PDE7A: variants seen among roughly 807,000 people sequenced by gnomAD.
PDE7A encodes phosphodiesterase 7A, also known as high affinity 3',5'-cyclic-AMP phosphodiesterase 7A.
In PDE7A, 39 loss-of-function variants were observed where a neutral mutation model predicts 64.3. That is an observed-to-expected ratio of 0.61 (90% confidence interval 0.47 to 0.79). The LOEUF (loss-of-function observed/expected upper bound fraction) is 0.79. Ranked by LOEUF, PDE7A falls within the 30% of genes least tolerant of loss-of-function variation. The probability of loss-of-function intolerance (pLI) is 0.00; values close to 1 mark genes in which losing one functional copy is unlikely to be tolerated. For missense variants in PDE7A, 470 were observed against 582.8 expected, an observed-to-expected ratio of 0.81 and a Z score of 1.99; for synonymous variants, 203 against 206.8, an observed-to-expected ratio of 0.98 and a Z score of 0.16.
intron 1 of PDE7A, among the ~76,000 whole-genome samples, chr8:65,832,090 T>C (rs1035553069): frequency 7.2e-5 from 11 of 152,190 alleles, no homozygotes; most frequent in African/African-American, 4.8e-5. Context: ...GTAGATACTC[T>C]GGGGTTTTTC....
chr8:65,828,658 T>C lies in PDE7A; in HGVS notation c.138+12713A>G, dbSNP rs55876752. On this transcript the variant is annotated intron_variant, in intron 1 of 12. Coordinates refer to ENST00000401827, the MANE Select transcript of PDE7A (RefSeq NM_001242318.3). ...ATTTAAAATTTTCATCTGTATAGCA[T>C]AGACCTTCTGTCCTCTCAAAAGGTT... is the stretch of plus-strand genomic sequence containing the variant. 7.8e-3 allele frequency among the ~76,000 whole-genome samples: 1,187 copies of C among 152,242 alleles called. 10 individuals are homozygous for C. Among genetic ancestry groups the C allele is most frequent in the African/African-American group, 0.026 (1,070 of 41,572 alleles).
At chr8:65,777,361 G>A (rs1187224299) in intron 3 of PDE7A, among the ~76,000 whole-genome samples, 1 of 152,098 alleles carries the variant, frequency 6.6e-6, no homozygotes, top group African/African-American at 2.4e-5. Context: ...TTACAAGCGT[G>A]AGCCACAACT....
intron 1 of PDE7A, among the ~76,000 whole-genome samples, chr8:65,801,631 A>G (rs1183719502): frequency 6.6e-6 from 1 of 152,228 alleles, no homozygotes; most frequent in Admixed American, 6.5e-5. Context: ...AATCAAAAAT[A>G]AGTAAATAAA....
In PDE7A at chr8:65,804,540, C is replaced by CTTT. The variant is rs762379703; in HGVS notation, c.139-21700_139-21698dup. 3.8e-4 allele frequency among the ~76,000 whole-genome samples: 43 copies of CTTT among 113,030 alleles called. 1 individual carries two copies. In the East Asian group the frequency reaches 6.6e-3, roughly 17 times the overall value. 74.2% of individuals were successfully genotyped at this position (113,030 alleles called of 152,430 possible). On this transcript the variant is annotated intron_variant, in intron 1 of 12. Coordinates refer to ENST00000401827, the MANE Select transcript of PDE7A (RefSeq NM_001242318.3). ...GAAAGCTGAAAGTTTCATTTTGTTG[C>CTTT]TTTTTTTTTTTTTTTTTTTGAAGAC...
rs1351048103 is a variant in PDE7A, at chr8:65,727,316, A to G, written c.697-15T>C. ...GAATTGGCAAGCTGAAGTGTGACAA[A>G]AGAATAATGAATCACAGATATATCT... is the stretch of plus-strand genomic sequence containing the variant. On this transcript the variant is annotated splice_polypyrimidine_tract_variant and intron_variant, in intron 7 of 12. Coordinates refer to ENST00000401827, the MANE Select transcript of PDE7A (RefSeq NM_001242318.3). 1 of 1,612,306 alleles carries G rather than the reference A, an allele frequency of 6.2e-7. No homozygotes were observed. The highest frequency in any genetic ancestry group is 1.3e-5 in the African/African-American group (1 of 74,864).
At chr8:65,727,600 G>A (rs1296962737) in intron 7 of PDE7A, 4 of 235,344 alleles carry the variant, frequency 1.7e-5, no homozygotes, top group Admixed American at 1.7e-4. Context: ...AACATAAACC[G>A]TTCTTTTTGA....
intron 1 of PDE7A, among the ~76,000 whole-genome samples, chr8:65,823,506 T>C (rs914886124): frequency 6.6e-6 from 1 of 152,202 alleles, no homozygotes; most frequent in African/African-American, 2.4e-5. Context: ...TACTATAACA[T>C]CACAAAATTA....
chr8:65,758,362 G>C (rs1808332703), intron 3 of PDE7A, among the ~76,000 whole-genome samples: 1 of 152,166 alleles, frequency 6.6e-6, no homozygotes, highest in Admixed American at 6.5e-5. Context: ...TAGGACTACT[G>C]TATCAGGTAA....
Position 65,716,361 on chromosome 8 carries a change from G to A in PDE7A, c.*2929C>T, listed in dbSNP as rs1257531918. Among the ~76,000 whole-genome samples the A allele has an allele frequency of 6.6e-6, 1 of 152,150 alleles. No individual in the cohort carries two copies. The highest frequency in any genetic ancestry group is 1.5e-5 in the Non-Finnish European group (1 of 68,016). On this transcript the variant is annotated 3_prime_UTR_variant, in exon 13 of 13. Transcript: ENST00000401827. ...AAGCAATCATGTATACAGGCAGAAT[G>A]GAGCCCAGGTAAGCTCAACTGAAAC... is the stretch of plus-strand genomic sequence containing the variant.
At chr8:65,762,656 TA>T (rs1223703626) in intron 3 of PDE7A, among the ~76,000 whole-genome samples, 5 of 152,220 alleles carry the variant, frequency 3.3e-5, no homozygotes, top group African/African-American at 4.8e-5. Flanking sequence ...AAAAAGCACT[TA>T]AAATTAATAG....
At chr8:65,807,613 A>G (rs1441445824) in intron 1 of PDE7A, among the ~76,000 whole-genome samples, 2 of 152,212 alleles carry the variant, frequency 1.3e-5, no homozygotes, top group African/African-American at 2.4e-5. Context: ...TCCTGGTCCT[A>G]CAGGGAAAAC....
chr8:65,727,079 G>C (rs1806642404), intron 8 of PDE7A, 91 bp downstream of exon 8: 8 of 1,020,264 alleles, frequency 7.8e-6, no homozygotes, highest in Non-Finnish European at 1.2e-5. Flanking sequence ...CATTCATTGA[G>C]AATTTATTTT....
At chr8:65,766,500 C>T (rs760745022) in intron 3 of PDE7A, among the ~76,000 whole-genome samples, 4 of 152,132 alleles carry the variant, frequency 2.6e-5, no homozygotes, top group Non-Finnish European at 2.9e-5. Flanking sequence ...AGTAAGGAGA[C>T]GCTGCCATAG....
intron 3 of PDE7A, among the ~76,000 whole-genome samples, chr8:65,749,119 G>A (rs1357929935): frequency 2.6e-5 from 4 of 152,220 alleles, no homozygotes; most frequent in East Asian, 3.9e-4. Flanking sequence ...GGAAGCACCC[G>A]CTCTGGCTTC....
intron 12 of PDE7A, chr8:65,722,369 C>T (rs912776310): frequency 1.3e-5 from 2 of 152,268 alleles, no homozygotes; most frequent in Admixed American, 6.5e-5. Flanking sequence ...CCATTGCAAT[C>T]ACAATGTAAG....
chr8:65,815,313 A>G (rs1309437012), intron 1 of PDE7A, among the ~76,000 whole-genome samples: 1 of 152,198 alleles, frequency 6.6e-6, no homozygotes, highest in Non-Finnish European at 1.5e-5. Flanking sequence ...CCATTTAAAT[A>G]ACATTCTAAT....
At chr8:65,720,874 C>T (rs10504391) in intron 12 of PDE7A, among the ~76,000 whole-genome samples, 3,710 of 152,290 alleles carry the variant, frequency 0.024, 167 homozygotes, top group African/African-American at 0.083. Flanking sequence ...GTCTTTCCTA[C>T]GTGCCATAAA....
rs537799243 is a variant in PDE7A, at chr8:65,809,811, T to G, written c.139-26968A>C. On this transcript the variant is annotated intron_variant, in intron 1 of 12. Transcript: ENST00000401827. ...ACCACAATGAGATACCATCTCACAC[T>G]AGTTAGAATGGTGATCATTAAAAAG... Among the ~76,000 whole-genome samples, 1,216 of 152,204 alleles carry G rather than the reference T, an allele frequency of 8.0e-3. 10 individuals carry two copies. The highest frequency in any genetic ancestry group is 0.012 in the Non-Finnish European group (814 of 67,988).
intron 3 of PDE7A, among the ~76,000 whole-genome samples, chr8:65,764,731 C>T (rs972576620): frequency 6.6e-6 from 1 of 151,694 alleles, no homozygotes; most frequent in Non-Finnish European, 1.5e-5. Context: ...CATAATACAA[C>T]TAAGTATGAA....
Sources: allele counts gnomAD v4.1 joint callset (sites outside exome capture counted in the v4.1 genomes callset), GRCh38; gene constraint gnomAD v4.1.1; transcripts MANE v1.5; gene names NCBI Gene and HGNC (gene_info 2026-07-23, HGNC 2026-07-21).